RARB: variants seen among roughly 807,000 people sequenced by gnomAD.
RARB encodes the protein HBV-activated protein.
In RARB, 17 loss-of-function variants were observed where a neutral mutation model predicts 51.9. The observed-to-expected ratio is 0.33, with a 90% CI of 0.22 to 0.49. The LOEUF (loss-of-function observed/expected upper bound fraction) is 0.49, where lower values mean the gene tolerates loss of function less well. Among genes scored for constraint, RARB ranks in the 20% least tolerant of loss-of-function variants. The pLI, the probability that RARB is intolerant of heterozygous loss-of-function variation, is 0.99. For synonymous variants in RARB, 215 were observed against 195.4 expected, an observed-to-expected ratio of 1.10 and a Z score of -0.84; for missense variants, 369 against 550.8, an observed-to-expected ratio of 0.67 and a Z score of 3.30.
intron 2 of RARB, among the ~76,000 whole-genome samples, chr3:25,496,560 C>T (rs950464378): frequency 7.9e-5 from 12 of 152,176 alleles, no homozygotes; most frequent in Non-Finnish European, 1.6e-4. Context: ...TATTGGGCTC[C>T]CTGAGGCTGG....
chr3:25,131,042 TATC>T (rs1440576148), intron 3 of RARB, among the ~76,000 whole-genome samples: 5 of 150,740 alleles, frequency 3.3e-5, no homozygotes, highest in African/African-American at 1.2e-4. Context: ...TCAATGATCT[TATC>T]AATATTTATT....
At chr3:25,347,728 T>C (rs1705436602) in intron 5 of RARB, among the ~76,000 whole-genome samples, 1 of 152,174 alleles carries the variant, frequency 6.6e-6, no homozygotes, top group African/African-American at 2.4e-5. Context: ...AGGATTTGTA[T>C]TTTATGAAGA....
chr3:24,942,265 T>C (rs1489315572), intron 2 of RARB, among the ~76,000 whole-genome samples: 2 of 152,322 alleles, frequency 1.3e-5, no homozygotes, highest in South Asian at 2.1e-4. Flanking sequence ...TAAACCAAAA[T>C]AGCTCTGTAG....
intron 2 of RARB, among the ~76,000 whole-genome samples, chr3:24,987,583 A>G (rs1314253215): frequency 6.6e-6 from 1 of 152,250 alleles, no homozygotes; most frequent in Non-Finnish European, 1.5e-5. Context: ...TTTTAAGACA[A>G]GAGACTTATA....
intron 2 of RARB, among the ~76,000 whole-genome samples, chr3:25,043,475 C>A (rs967777422): frequency 2.6e-5 from 4 of 152,222 alleles, no homozygotes; most frequent in African/African-American, 9.6e-5. Context: ...TATTTTATTT[C>A]TTTTATTTTA....
intron 1 of RARB, among the ~76,000 whole-genome samples, chr3:25,447,979 T>C (rs1655859404): frequency 6.6e-6 from 1 of 152,110 alleles, no homozygotes; most frequent in Non-Finnish European, 1.5e-5. Context: ...GTAACACTAT[T>C]ATGTGGCAGG....
At chr3:25,140,655 A>C (rs762421920) in intron 4 of RARB, among the ~76,000 whole-genome samples, 1 of 152,226 alleles carries the variant, frequency 6.6e-6, no homozygotes, top group Non-Finnish European at 1.5e-5. Context: ...GCAATAGCAG[A>C]GGTTGAAAGG....
At chr3:25,140,747 G>GA (rs1700095366) in intron 4 of RARB, among the ~76,000 whole-genome samples, 1 of 152,082 alleles carries the variant, frequency 6.6e-6, no homozygotes, top group Admixed American at 6.6e-5. Flanking sequence ...AATCTTTTGA[G>GA]AAAGGGTATA....
chr3:25,392,819 T>A (rs1460506311), intron 5 of RARB, among the ~76,000 whole-genome samples: 7 of 152,162 alleles, frequency 4.6e-5, no homozygotes, highest in Non-Finnish European at 1.0e-4. Context: ...AGGTATACAA[T>A]CATCTCATTA....
At chr3:25,471,940 C>T (rs1695718315) in intron 2 of RARB, among the ~76,000 whole-genome samples, 1 of 152,148 alleles carries the variant, frequency 6.6e-6, no homozygotes, top group Non-Finnish European at 1.5e-5. Context: ...CCCCCCTCTA[C>T]CTTCTCATTG....
chr3:25,237,866 C>G (rs998786872), intron 5 of RARB, among the ~76,000 whole-genome samples: 1 of 152,058 alleles, frequency 6.6e-6, no homozygotes, highest in African/African-American at 2.4e-5. Context: ...AATATATGGT[C>G]TGTTGTGACT....
At chr3:25,020,711 G>T (rs1697618037) in intron 2 of RARB, among the ~76,000 whole-genome samples, 1 of 152,010 alleles carries the variant, frequency 6.6e-6, no homozygotes, top group South Asian at 2.1e-4. Flanking sequence ...ATGTTGTGGA[G>T]ATCACCCATA....
intron 1 of RARB, among the ~76,000 whole-genome samples, chr3:25,439,332 G>C (rs914047057): frequency 1.3e-5 from 2 of 152,212 alleles, no homozygotes; most frequent in African/African-American, 4.8e-5. Flanking sequence ...ACCATTTAGT[G>C]AAACTTACAT....
At chr3:25,067,757 T>C (rs979912051) in intron 3 of RARB, among the ~76,000 whole-genome samples, 2 of 152,180 alleles carry the variant, frequency 1.3e-5, no homozygotes, top group African/African-American at 4.8e-5. Flanking sequence ...TCCTGCACTT[T>C]TTAGGCTGTC....
intron 3 of RARB, among the ~76,000 whole-genome samples, chr3:25,112,789 A>C (rs1373958858): frequency 6.6e-6 from 1 of 152,150 alleles, no homozygotes; most frequent in Non-Finnish European, 1.5e-5. Context: ...AAAAGGGAAA[A>C]AAAGCCAATG....
intron 3 of RARB, among the ~76,000 whole-genome samples, chr3:25,537,376 A>C (rs1699183829): frequency 6.6e-6 from 1 of 152,170 alleles, no homozygotes; most frequent in Non-Finnish European, 1.5e-5. Flanking sequence ...GCTTTTCAAA[A>C]TTGGTTGTGT....
intron 3 of RARB, among the ~76,000 whole-genome samples, chr3:25,108,210 A>C (rs1011487505): frequency 2.0e-5 from 3 of 152,188 alleles, no homozygotes; most frequent in Admixed American, 2.0e-4. Flanking sequence ...GGAATTTTTC[A>C]TTTAACATTT....
At chr3:25,460,988 T>C (rs1156521908) in intron 1 of RARB, among the ~76,000 whole-genome samples, 3 of 152,310 alleles carry the variant, frequency 2.0e-5, no homozygotes, top group African/African-American at 4.8e-5. Context: ...GAGAGATGTA[T>C]GAGACTGCTT....
chr3:24,976,647 A>G (rs774217454), intron 2 of RARB, among the ~76,000 whole-genome samples: 4 of 152,026 alleles, frequency 2.6e-5, no homozygotes, highest in Non-Finnish European at 5.9e-5. Context: ...TTCTTTGTAG[A>G]TTCTGCATAT....
Sources: gnomAD v4.1 joint callset for allele counts (sites outside exome capture counted in the v4.1 genomes callset) on GRCh38, gnomAD v4.1.1 for gene constraint, MANE v1.5 for transcripts, NCBI Gene and HGNC (gene_info 2026-07-23, HGNC 2026-07-21) for gene names.